Variants in PTPA observed in about 807,000 individuals in gnomAD.
The protein encoded by PTPA is serine/threonine-protein phosphatase 2A activator.
In PTPA, 13 loss-of-function variants were observed where a neutral mutation model predicts 43.6. That is an observed-to-expected ratio of 0.30 (90% CI 0.19 to 0.47). The LOEUF is 0.47. Among genes scored for constraint, PTPA ranks in the 20% least tolerant of loss-of-function variants. The probability of loss-of-function intolerance (pLI) is 0.99; values close to 1 mark genes in which losing one functional copy is unlikely to be tolerated. For synonymous variants in PTPA, 172 were observed against 158.2 expected (o/e 1.09, Z -0.66); for missense variants, 329 against 411.9 (o/e 0.80, Z 1.74).
intron 3 of PTPA, 74 bp downstream of exon 3, chr9:129,123,212 C>G: frequency 2.2e-5 from 28 of 1,298,930 alleles, no homozygotes; most frequent in Non-Finnish European, 3.0e-5. Flanking sequence ...GGTGGCTCAC[C>G]TCTGTAATCT....
chr9:129,135,031 C>A, intron 6 of PTPA, 137 bp downstream of exon 6: 1 of 674,460 alleles, frequency 1.5e-6, no homozygotes, highest in Non-Finnish European at 2.5e-6. Flanking sequence ...CAAGCTCTGG[C>A]TGTGGATGGA....
chr9:129,142,579 G>C (rs577845661), intron 9 of PTPA, 27 bp downstream of exon 9: 1 of 1,613,384 alleles, frequency 6.2e-7, no homozygotes, highest in Non-Finnish European at 8.5e-7. Flanking sequence ...CAGTGTGCCC[G>C]TCCCTGCTGC....
chr9:129,144,770 T>A (rs559218252), intron 9 of PTPA, among the ~76,000 whole-genome samples: 1 of 142,028 alleles, frequency 7.0e-6, no homozygotes, highest in South Asian at 2.3e-4. Context: ...ACCAAGTCTT[T>A]GCCTGTAATC....
chr9:129,140,846 G>A (rs1588531004), intron 8 of PTPA, among the ~76,000 whole-genome samples: 1 of 152,124 alleles, frequency 6.6e-6, no homozygotes, highest in South Asian at 2.1e-4. Context: ...GTTGAGCAGG[G>A]CAGTTGAAAC....
At chr9:129,111,880 G>T in intron 1 of PTPA, 1 of 1,006,166 alleles carries the variant, frequency 9.9e-7, no homozygotes, top group Non-Finnish European at 1.3e-6. Flanking sequence ...GGGAGTCCAG[G>T]CTGCCCGAAT....
At chr9:129,122,418 T>G (rs1849305152) in intron 2 of PTPA, among the ~76,000 whole-genome samples, 1 of 152,182 alleles carries the variant, frequency 6.6e-6, no homozygotes, top group South Asian at 2.1e-4. Context: ...TGCTTTCTTA[T>G]CCCTGTGTTG....
Position 129,129,194 on chromosome 9 carries a change from T to C in PTPA, c.342+84T>C, listed in dbSNP as rs561323770. 1.7e-5 allele frequency: 26 copies of C among 1,525,146 alleles called. No homozygotes were observed. The East Asian group carries it at 5.5e-4, about 32-fold the overall frequency. The allele number at this position is 1,525,146 out of a possible 1,614,324, so 94.5% of individuals were successfully genotyped here. ...CAGTTGGGGAAGGGCCTGCATTGTA[T>C]AGCGCTTCTAGGCATATACAAATCT... is the stretch of plus-strand genomic sequence containing the variant. On this transcript the variant is annotated intron_variant, in intron 4 of 9. Transcript: ENST00000393370.
At position 129,114,658 on chromosome 9, in the gene PTPA, A is replaced by G. The variant is rs368848450; in HGVS notation, c.31+3027A>G. The stretch of plus-strand genomic sequence containing the variant: ...TTCAAATGGCCAATGATAATGCTAT[A>G]TATTATAGTCTTTGTTGGGGGGCTT... On this transcript the variant is annotated intron_variant, in intron 1 of 9. Coordinates refer to ENST00000393370, the MANE Select transcript of PTPA (RefSeq NM_178000.3). 2.6e-5 allele frequency among the ~76,000 whole-genome samples: 4 copies of G among 152,148 alleles called. No individual in the cohort carries two copies. In the East Asian group the frequency reaches 5.8e-4, roughly 22 times the overall value.
chr9:129,133,666 C>T (rs1464088765), intron 5 of PTPA, among the ~76,000 whole-genome samples: 1 of 152,190 alleles, frequency 6.6e-6, no homozygotes, highest in African/African-American at 2.4e-5. Context: ...CTTTTTCACC[C>T]TGTAATCTGA....
Position 129,125,849 on chromosome 9 carries a change from C to T in PTPA, c.216+2711C>T, listed in dbSNP as rs116265400. Reference sequence around the variant, plus strand: ...GTTCTAATTTTCAATAGTGTTGTTGCATAGAAAGCTAGCTTTTGGCTGGGC... The same window carrying T: ...GTTCTAATTTTCAATAGTGTTGTTGTATAGAAAGCTAGCTTTTGGCTGGGC... On this transcript the variant is annotated intron_variant, in intron 3 of 9. Coordinates refer to ENST00000393370, the MANE Select transcript of PTPA (RefSeq NM_178000.3). Among the ~76,000 whole-genome samples the T allele has an allele frequency of 3.2e-3, 494 of 152,272 alleles. 6 individuals carry two copies. The highest frequency in any genetic ancestry group is 0.012 in the African/African-American group (481 of 41,554).
rs1588534651 is a variant in PTPA, at chr9:129,142,148, T to C, written c.787-297T>C. 1.2e-5 allele frequency: 4 copies of C among 320,646 alleles called. No homozygotes were observed. The East Asian group carries it at 1.5e-4, about 12-fold the overall frequency. 19.9% of individuals were successfully genotyped at this position (320,646 alleles called of 1,614,324 possible). Reference sequence around the variant, plus strand: ...CGATAGGAATCAGGCCCCCTTTTTTTGGCTGTGGGAGAAAGAGGGGTGACT... The same window carrying C: ...CGATAGGAATCAGGCCCCCTTTTTTCGGCTGTGGGAGAAAGAGGGGTGACT... On this transcript the variant is annotated intron_variant, in intron 8 of 9. Coordinates refer to ENST00000393370, the MANE Select transcript of PTPA (RefSeq NM_178000.3).
chr9:129,122,821 T>A (rs1395310196), intron 2 of PTPA, among the ~76,000 whole-genome samples: 1 of 152,248 alleles, frequency 6.6e-6, no homozygotes, highest in East Asian at 1.9e-4. Flanking sequence ...CTTGGTTCAC[T>A]CTGGCTGGAG....
chr9:129,129,273 C>G (rs1849790285), intron 4 of PTPA, among the ~76,000 whole-genome samples, 163 bp downstream of exon 4: 1 of 152,148 alleles, frequency 6.6e-6, no homozygotes, highest in African/African-American at 2.4e-5. Context: ...AGTTTATACT[C>G]TGCTTGGTCA....
intron 1 of PTPA, among the ~76,000 whole-genome samples, chr9:129,115,842 A>G: frequency 6.6e-6 from 1 of 151,044 alleles, no homozygotes; most frequent in African/African-American, 2.4e-5. Context: ...GGGCTTCACC[A>G]TGTTGGCCAG....
At chr9:129,115,048 G>A (rs2131536498) in intron 1 of PTPA, among the ~76,000 whole-genome samples, 1 of 152,208 alleles carries the variant, frequency 6.6e-6, no homozygotes, top group Admixed American at 6.5e-5. Context: ...CACCCAGGCT[G>A]GAGTGCAGTA....
At chr9:129,137,792 C>T in intron 8 of PTPA, 100 bp downstream of exon 8, 1 of 1,142,052 alleles carries the variant, frequency 8.8e-7, no homozygotes, top group Non-Finnish European at 1.3e-6. Context: ...AGAGCTGCTG[C>T]CCAAAATGGC....
At chr9:129,127,151 A>G (rs1295426097) in intron 3 of PTPA, among the ~76,000 whole-genome samples, 1 of 152,108 alleles carries the variant, frequency 6.6e-6, no homozygotes, top group Non-Finnish European at 1.5e-5. Flanking sequence ...GCCAGGTGTA[A>G]AGGGAAATTT....
intron 8 of PTPA, chr9:129,139,270 C>T (rs940661452): frequency 2.6e-5 from 4 of 152,282 alleles, no homozygotes; most frequent in African/African-American, 4.8e-5. Context: ...AAAGCTTTTC[C>T]AAAGTTTGGG....
chr9:129,124,336 G>C (rs552101497), intron 3 of PTPA, among the ~76,000 whole-genome samples: 7 of 144,434 alleles, frequency 4.8e-5, no homozygotes, highest in African/African-American at 1.0e-4. Flanking sequence ...GAGCCACCAA[G>C]CTTGGCCCCT....
Sources: allele counts gnomAD v4.1 joint callset (sites outside exome capture counted in the v4.1 genomes callset), GRCh38; gene constraint gnomAD v4.1.1; transcripts MANE v1.5; gene names NCBI Gene and HGNC (gene_info 2026-07-23, HGNC 2026-07-21).